Variants in PDZD2 observed in about 807,000 individuals in gnomAD.
PDZD2 encodes PDZ domain-containing protein 2.
Under a neutral mutation model 220.7 loss-of-function variants are expected in PDZD2, and 90 were observed. The observed-to-expected ratio is 0.41, with a 90% CI of 0.34 to 0.49. The LOEUF (loss-of-function observed/expected upper bound fraction) is 0.49, where lower values mean the gene tolerates loss of function less well. Ranked by LOEUF, PDZD2 falls within the 20% of genes least tolerant of loss-of-function variation. The pLI is 0.28. For missense variants in PDZD2, 3,174 were observed against 3,608.5 expected (o/e 0.88, Z 3.08); for synonymous variants, 1,375 against 1,450.5 (o/e 0.95, Z 1.18).
chr5:31,946,756 A>T lies in PDZD2; in HGVS notation c.477-36399A>T, dbSNP rs544100737. On this transcript the variant is annotated intron_variant, in intron 2 of 24. Coordinates refer to ENST00000438447, the MANE Select transcript of PDZD2 (RefSeq NM_178140.4). ...GCCCAGGTTGGAGTGCACTGGTGCA[A>T]TGATAGCTCACTGTAACCTTGAACT... Among the ~76,000 whole-genome samples, 5 of 152,338 alleles carry T rather than the reference A, an allele frequency of 3.3e-5. No individual in the cohort carries two copies. The East Asian group carries it at 7.7e-4, about 23-fold the overall frequency.
At chr5:31,951,589 G>A (rs1352974749) in intron 2 of PDZD2, among the ~76,000 whole-genome samples, 1 of 152,196 alleles carries the variant, frequency 6.6e-6, no homozygotes, top group Non-Finnish European at 1.5e-5. Context: ...AGTCATCCAT[G>A]TTGTTTCATG....
intron 2 of PDZD2, chr5:31,908,512 G>A (rs1224149707): frequency 9.4e-7 from 1 of 1,067,408 alleles, no homozygotes; most frequent in African/African-American, 1.6e-5. Context: ...AAATGCCTCC[G>A]CTGAAGGCCC....
chr5:31,823,020 A>G, intron 2 of PDZD2: 2 of 1,183,874 alleles, frequency 1.7e-6, no homozygotes, highest in Non-Finnish European at 2.4e-6. Flanking sequence ...CGTTGATGTG[A>G]TTGAAGTCCC....
intron 2 of PDZD2, among the ~76,000 whole-genome samples, chr5:31,968,361 A>C (rs914072385): frequency 3.3e-5 from 5 of 152,278 alleles, no homozygotes; most frequent in African/African-American, 1.2e-4. Context: ...GTGTCTCAAA[A>C]ACAAAAAACA....
chr5:31,697,532 T>C (rs966791104), intron 1 of PDZD2, among the ~76,000 whole-genome samples: 1 of 152,214 alleles, frequency 6.6e-6, no homozygotes, highest in African/African-American at 2.4e-5. Flanking sequence ...ACCTGGAATC[T>C]TGCCCCTGGA....
Position 31,983,210 on chromosome 5 carries a change from C to T in PDZD2, c.532C>T (p.Arg178Cys), listed in dbSNP as rs567367777. 14 of 1,613,922 alleles carry T rather than the reference C, an allele frequency of 8.7e-6. No individual in the cohort carries two copies. The highest frequency in any genetic ancestry group is 2.2e-5 in the East Asian group (1 of 44,886). The part of the protein sequence containing the change: ...GGFIYLIMLR[R>C]FKHKAHSTYN... Reference sequence around the variant, plus strand: ...CTTTATCTACCTGATCATGCTGCGTCGCTTTAAGCACAAAGCCCACTCCAC... The same window carrying T: ...CTTTATCTACCTGATCATGCTGCGTTGCTTTAAGCACAAAGCCCACTCCAC... Residue 178 changes from arginine (R) to cysteine (C), a missense_variant, in exon 3 of 25, where the codon CGC becomes TGC. Arg to Cys is a radical substitution (Grantham distance 180, BLOSUM62 -3). Transcript: ENST00000438447.
intron 2 of PDZD2, among the ~76,000 whole-genome samples, chr5:31,818,467 A>G (rs569817157): frequency 1.1e-4 from 16 of 151,978 alleles, no homozygotes; most frequent in Admixed American, 3.9e-4. Flanking sequence ...GGATCTGCAA[A>G]CCAGACCTTC....
chr5:31,710,414 C>T (rs1334018512), intron 1 of PDZD2, among the ~76,000 whole-genome samples: 2 of 152,132 alleles, frequency 1.3e-5, no homozygotes, highest in East Asian at 1.9e-4. Flanking sequence ...CCATGCGGAA[C>T]ATGGATTTTG....
chr5:31,895,196 T>C (rs1741437766), intron 2 of PDZD2, among the ~76,000 whole-genome samples: 1 of 152,146 alleles, frequency 6.6e-6, no homozygotes, highest in Non-Finnish European at 1.5e-5. Context: ...CCGCCCTTTC[T>C]TTCTTTTGCC....
At chr5:31,650,156 T>C (rs943327961) in intron 1 of PDZD2, among the ~76,000 whole-genome samples, 1 of 152,048 alleles carries the variant, frequency 6.6e-6, no homozygotes, top group Non-Finnish European at 1.5e-5. Flanking sequence ...ACAATCTGTG[T>C]CCTGGGTTTA....
intron 2 of PDZD2, among the ~76,000 whole-genome samples, chr5:31,900,351 A>G (rs1294419358): frequency 6.6e-6 from 1 of 152,238 alleles, no homozygotes; most frequent in Non-Finnish European, 1.5e-5. Flanking sequence ...CTTACTATAT[A>G]GAAAGCTATT....
intron 6 of PDZD2, among the ~76,000 whole-genome samples, chr5:32,031,727 C>T (rs1243094636): frequency 2.6e-5 from 4 of 152,124 alleles, no homozygotes; most frequent in Non-Finnish European, 5.9e-5. Flanking sequence ...TCTTTAATTT[C>T]GACTAAACCT....
rs548920014 is a variant in PDZD2, at chr5:31,762,257, G to A, written c.-360-36632G>A. Among the ~76,000 whole-genome samples, 16 of 152,198 alleles carry A rather than the reference G, an allele frequency of 1.1e-4. No individual in the cohort carries two copies. The East Asian group carries it at 2.3e-3, about 22-fold the overall frequency. On this transcript the variant is annotated intron_variant, in intron 1 of 24. Coordinates refer to ENST00000438447, the MANE Select transcript of PDZD2 (RefSeq NM_178140.4). Reference sequence around the variant, plus strand: ...AGGTCAGAAACCACAGCTGAGATACGGGCACTTGGTTTTGTTTGTTGTTGT... The same window carrying A: ...AGGTCAGAAACCACAGCTGAGATACAGGCACTTGGTTTTGTTTGTTGTTGT...
chr5:31,858,429 T>C (rs1758650069), intron 2 of PDZD2, among the ~76,000 whole-genome samples: 1 of 152,228 alleles, frequency 6.6e-6, no homozygotes, highest in African/African-American at 2.4e-5. Context: ...TGACTCCATC[T>C]TGCTTCTAAC....
Position 31,773,727 on chromosome 5 carries a change from A to G in PDZD2, c.-360-25162A>G, listed in dbSNP as rs576168216. On this transcript the variant is annotated intron_variant, in intron 1 of 24. Coordinates refer to ENST00000438447, the MANE Select transcript of PDZD2 (RefSeq NM_178140.4). Reference sequence around the variant, plus strand: ...CAGAGAGAGGGAGACAGTCTAGTGGAAAAAAAGCCTGAAATTCAGTATTAA... The same window carrying G: ...CAGAGAGAGGGAGACAGTCTAGTGGGAAAAAAGCCTGAAATTCAGTATTAA... Among the ~76,000 whole-genome samples, 604 of 152,244 alleles carry G rather than the reference A, an allele frequency of 4.0e-3. 4 individuals are homozygous for G. The highest frequency in any genetic ancestry group is 0.012 in the African/African-American group (516 of 41,546).
intron 2 of PDZD2, among the ~76,000 whole-genome samples, chr5:31,931,529 T>G (rs10037691): frequency 0.94 from 142,562 of 152,190 alleles, 66,806 homozygotes; most frequent in Middle Eastern, 0.96. Flanking sequence ...TGGGCAGGAG[T>G]TGAGGGTCTG....
chr5:32,009,081 A>C (rs1413026011), intron 5 of PDZD2, among the ~76,000 whole-genome samples: 1 of 152,110 alleles, frequency 6.6e-6, no homozygotes, highest in Admixed American at 6.6e-5. Context: ...TCGGTGGCTC[A>C]TGCCTGTAAT....
intron 12 of PDZD2, 152 bp from the exon 13 acceptor site, chr5:32,059,087 A>G (rs1420783531): frequency 1.7e-6 from 1 of 576,232 alleles, no homozygotes; most frequent in African/African-American, 1.9e-5. Flanking sequence ...AAGTGTTGAC[A>G]AGGAAAAGCT....
chr5:31,889,220 T>C (rs747467848), intron 2 of PDZD2, among the ~76,000 whole-genome samples: 6 of 152,206 alleles, frequency 3.9e-5, no homozygotes, highest in Non-Finnish European at 7.3e-5. Flanking sequence ...AGTATTTACA[T>C]TGGAGCCGTG....
Sources: gnomAD v4.1 joint callset for allele counts (sites outside exome capture counted in the v4.1 genomes callset) on GRCh38, gnomAD v4.1.1 for gene constraint, MANE v1.5 for transcripts, NCBI Gene and HGNC (gene_info 2026-07-23, HGNC 2026-07-21) for gene names.